Variants in IGSF21 observed in about 807,000 individuals in gnomAD.
IGSF21 encodes the protein immunoglobin superfamily member 21.
IGSF21 carries 28 observed loss-of-function variants against 46.8 expected under a neutral mutation model. That is an observed-to-expected ratio of 0.60 (90% CI 0.44 to 0.82). The LOEUF is 0.82. Among genes scored for constraint, IGSF21 ranks in the 40% least tolerant of loss-of-function variants. IGSF21 has a pLI of 0.00. For synonymous variants in IGSF21, 284 were observed against 273.6 expected (o/e 1.04, Z -0.38); for missense variants, 624 against 665.5 (o/e 0.94, Z 0.69).
At chr1:18,359,383 A>AAAGAAAGAAAGAATGGAAGG (rs1557659626) in intron 4 of IGSF21, among the ~76,000 whole-genome samples, 15 of 61,106 alleles carry the variant, frequency 2.5e-4, no homozygotes, top group African/African-American at 1.0e-3. Context: ...AGAAAGAAAG[A>AAAGAAAGAAAGAATGGAAGG]AAGGAAGGAA....
chr1:18,334,901 G>A lies in IGSF21; in HGVS notation c.315G>A (p.Glu105=). 1 of 1,613,836 alleles carries A rather than the reference G, an allele frequency of 6.2e-7. No individual in the cohort carries two copies. The highest frequency in any genetic ancestry group is 2.2e-5 in the East Asian group (1 of 44,868). ...LVYQSTVRLP[E]VRISDNGPYE... ...CTTCTGCCTCCCCCAGGCTGCCCGA[G>A]GTCCGGATCTCAGACAATGGTCCCT... The change falls in exon 4 of 10, where the codon GAG becomes GAA. Residue 105 remains glutamate (E), a synonymous_variant. Transcript: ENST00000251296. This position sits in a 1 kb window ranked among gnomAD's most constrained non-coding sequence, Gnocchi z 4.3.
chr1:18,311,956 C>G (rs978287906), intron 3 of IGSF21, among the ~76,000 whole-genome samples: 1 of 152,214 alleles, frequency 6.6e-6, no homozygotes. Flanking sequence ...GCTCCCTCCT[C>G]TGGTCCCTCT....
At chr1:18,230,146 T>G (rs1408745230) in intron 2 of IGSF21, among the ~76,000 whole-genome samples, 1 of 152,236 alleles carries the variant, frequency 6.6e-6, no homozygotes, top group Non-Finnish European at 1.5e-5. Context: ...AGTGCCAGGC[T>G]GTGCCCAGGT....
At chr1:18,342,282 C>G (rs1330036677) in intron 4 of IGSF21, among the ~76,000 whole-genome samples, 1 of 152,120 alleles carries the variant, frequency 6.6e-6, no homozygotes, top group African/African-American at 2.4e-5. Context: ...TTAGTCGAGA[C>G]GAGGTTTCTC....
intron 1 of IGSF21, among the ~76,000 whole-genome samples, chr1:18,186,930 T>C (rs1401249176): frequency 6.6e-6 from 1 of 152,176 alleles, no homozygotes. Flanking sequence ...TCTCATAGCA[T>C]CCTCTGTCTT....
intron 4 of IGSF21, among the ~76,000 whole-genome samples, chr1:18,338,948 T>C (rs1462123487): frequency 2.0e-5 from 3 of 152,016 alleles, no homozygotes; most frequent in African/African-American, 7.2e-5. Context: ...TTAGATGTTG[T>C]GAGAGCCAGG....
chr1:18,335,018 C>T lies in IGSF21; in HGVS notation c.424+8C>T, dbSNP rs1236513669. On this transcript the variant is annotated splice_region_variant and intron_variant, in intron 4 of 9. Coordinates refer to ENST00000251296, the MANE Select transcript of IGSF21 (RefSeq NM_032880.5). The surrounding 1 kb of genome is among the most constrained non-coding windows in gnomAD (Gnocchi z 4.8). ...TCTTCCTCAACGTCATGGGTGAGTG[C>T]AGGGCCACTGGCCCCTGGTGTCTCA... is the stretch of plus-strand genomic sequence containing the variant. The T allele has an allele frequency of 6.3e-7, 1 of 1,588,696 alleles. No homozygotes were observed. The highest frequency in any genetic ancestry group is 1.3e-5 in the African/African-American group (1 of 74,570).
At chr1:18,278,180 A>C (rs2085121026) in intron 2 of IGSF21, among the ~76,000 whole-genome samples, 1 of 151,620 alleles carries the variant, frequency 6.6e-6, no homozygotes, top group Non-Finnish European at 1.5e-5. Flanking sequence ...GTGGGGGGAG[A>C]TATGATAAAG....
chr1:18,177,368 C>T (rs1300107740), intron 1 of IGSF21, among the ~76,000 whole-genome samples: 1 of 147,636 alleles, frequency 6.8e-6, no homozygotes, highest in Admixed American at 6.8e-5. Flanking sequence ...GGACTGTGGT[C>T]GTGTGTGGGG....
intron 2 of IGSF21, among the ~76,000 whole-genome samples, chr1:18,257,428 CT>C (rs2124533203): frequency 6.6e-6 from 1 of 152,196 alleles, no homozygotes; most frequent in South Asian, 2.1e-4. Flanking sequence ...ATATTTCCAC[CT>C]GTCATCTAAT....
intron 2 of IGSF21, among the ~76,000 whole-genome samples, chr1:18,230,099 C>T: frequency 6.6e-6 from 1 of 152,208 alleles, no homozygotes; most frequent in Non-Finnish European, 1.5e-5. Context: ...GTGAAAATCT[C>T]CCTGCAGAGG....
chr1:18,364,874 GT>G (rs1557662342), intron 5 of IGSF21, among the ~76,000 whole-genome samples: 1 of 152,156 alleles, frequency 6.6e-6, no homozygotes, highest in Non-Finnish European at 1.5e-5. Flanking sequence ...GTAGGCCGAA[GT>G]CCCCATTTCC....
At chr1:18,237,307 C>T (rs2084682095) in intron 2 of IGSF21, among the ~76,000 whole-genome samples, 1 of 152,180 alleles carries the variant, frequency 6.6e-6, no homozygotes, top group Non-Finnish European at 1.5e-5. Context: ...ACTTCCTAGG[C>T]ACTGTACACA....
rs544094643 is a variant in IGSF21 at position 18,184,529 on chromosome 1, C to T, written c.71-43369C>T. Among the ~76,000 whole-genome samples the T allele has an allele frequency of 3.9e-5, 6 of 152,350 alleles. No homozygotes were observed. The South Asian group carries it at 1.2e-3, about 32-fold the overall frequency. On this transcript the variant is annotated intron_variant, in intron 1 of 9. Coordinates refer to ENST00000251296, the MANE Select transcript of IGSF21 (RefSeq NM_032880.5). Reference sequence around the variant, plus strand: ...AATGAGACGCTTGTCTGGACTCCCACCGCACACGGGCTGCAGCCTGGTGAC... The same window carrying T: ...AATGAGACGCTTGTCTGGACTCCCATCGCACACGGGCTGCAGCCTGGTGAC...
rs116072423 is a variant in IGSF21 at position 18,218,809 on chromosome 1, G to C, written c.71-9089G>C. 3.3e-3 allele frequency among the ~76,000 whole-genome samples: 498 copies of C among 152,282 alleles called. 2 individuals carry two copies. The highest frequency in any genetic ancestry group is 0.011 in the African/African-American group (456 of 41,558). ...CTGACAGAGATTTTGAGGCAGCTATGAAAATGCTTGAACAAGTTATCAAAA... is the reference window on the plus strand; with the variant it reads ...CTGACAGAGATTTTGAGGCAGCTATCAAAATGCTTGAACAAGTTATCAAAA... On this transcript the variant is annotated intron_variant, in intron 1 of 9. Transcript: ENST00000251296.
chr1:18,226,865 C>T (rs1229982335), intron 1 of IGSF21, among the ~76,000 whole-genome samples: 1 of 152,172 alleles, frequency 6.6e-6, no homozygotes, highest in Non-Finnish European at 1.5e-5. Context: ...ATCAGATGAG[C>T]CTGGATGATC....
chr1:18,215,877 C>T (rs940680448), intron 1 of IGSF21, among the ~76,000 whole-genome samples: 4 of 152,162 alleles, frequency 2.6e-5, no homozygotes, highest in African/African-American at 9.7e-5. Context: ...CCATGGCTCA[C>T]AAATCCCCGT....
intron 2 of IGSF21, among the ~76,000 whole-genome samples, chr1:18,244,287 C>T (rs538224291): frequency 3.3e-4 from 50 of 152,306 alleles, no homozygotes; most frequent in Middle Eastern, 6.8e-3. Flanking sequence ...GAAAGAGGGA[C>T]GGAGCCCTAG....
At position 18,108,031 on chromosome 1, in the gene IGSF21, G is replaced by T. The variant is rs967878224; in HGVS notation, c.-98G>T. The T allele has an allele frequency of 3.3e-5, 15 of 453,014 alleles. No homozygotes were observed. Among genetic ancestry groups the T allele is most frequent in the African/African-American group, 2.9e-4 (14 of 47,956 alleles). The allele number at this position is 453,014 out of a possible 1,614,324, so 28.1% of individuals were successfully genotyped here. ...GCTGCCCGCCACCGCCTCGGCCAGTGGCCGGAGGCAGGAGCGCGTCTGAGC... is the reference window on the plus strand; with the variant it reads ...GCTGCCCGCCACCGCCTCGGCCAGTTGCCGGAGGCAGGAGCGCGTCTGAGC... On this transcript the variant is annotated 5_prime_UTR_variant, in exon 1 of 10. Transcript: ENST00000251296.
Sources: gnomAD v4.1 joint callset for allele counts (sites outside exome capture counted in the v4.1 genomes callset) on GRCh38, gnomAD v4.1.1 for gene constraint, Gnocchi (gnomAD v3.1) non-coding constraint, MANE v1.5 for transcripts, NCBI Gene and HGNC (gene_info 2026-07-23, HGNC 2026-07-21) for gene names.